The following BTNL8 variants were observed in gnomAD, a reference collection of about 807,000 sequenced individuals.
BTNL8 encodes the protein butyrophilin-like protein 8.
In BTNL8, 22 loss-of-function variants were observed where a neutral mutation model predicts 36.1. That is an observed-to-expected ratio of 0.61 (90% CI 0.44 to 0.87). The LOEUF (loss-of-function observed/expected upper bound fraction) is 0.87, where lower values mean the gene tolerates loss of function less well. BTNL8 is among the 40% of genes least tolerant of loss of function. The pLI is 0.00. For synonymous variants in BTNL8, 203 were observed against 235.6 expected, an observed-to-expected ratio of 0.86 and a Z score of 1.27; for missense variants, 526 against 616.9, an observed-to-expected ratio of 0.85 and a Z score of 1.56.
At chr5:180,915,536 A>G (rs913856350) in intron 3 of BTNL8, among the ~76,000 whole-genome samples, 2 of 152,232 alleles carry the variant, frequency 1.3e-5, no homozygotes, top group African/African-American at 4.8e-5. Flanking sequence ...GTACATCCAT[A>G]AAAAAGATCT....
chr5:180,950,736 A>G lies in BTNL8; in HGVS notation c.*192A>G, dbSNP rs1197452205. Reference sequence around the variant, plus strand: ...ATTACATTTAGTTTGCTCTCACTCCATCTGGCTAAGTGATCTTGAAATACC... The same window carrying G: ...ATTACATTTAGTTTGCTCTCACTCCGTCTGGCTAAGTGATCTTGAAATACC... On this transcript the variant is annotated 3_prime_UTR_variant, in exon 8 of 8. Coordinates refer to ENST00000340184, the MANE Select transcript of BTNL8 (RefSeq NM_001040462.3). 5 of 607,088 alleles carry G rather than the reference A, an allele frequency of 8.2e-6. No individual in the cohort carries two copies. The highest frequency in any genetic ancestry group is 1.9e-5 in the African/African-American group (1 of 53,896). The allele number at this position is 607,088 out of a possible 1,614,324, so 37.6% of individuals were successfully genotyped here. A position where few individuals can be genotyped will look rare whatever the true frequency, so the allele number is the denominator to read the frequency against.
In BTNL8 at chr5:180,908,623, G is replaced by A. The variant is rs758410077; in HGVS notation, c.87G>A (p.Gln29=). ...TGTTTGGGCCAGACAAGCCTGTCCA[G>A]GCCTTGGTGGGGGAGGACGCAGCAT... ...WQVFGPDKPV[Q]ALVGEDAAFS... is the part of the protein sequence containing the mutation. The change falls in exon 2 of 8, where the codon CAG becomes CAA. Residue 29 remains glutamine, a synonymous_variant. Transcript: ENST00000340184. The A allele has an allele frequency of 6.2e-7, 1 of 1,614,208 alleles. No homozygotes were observed.
At chr5:180,931,159 A>C (rs1561940545) in intron 3 of BTNL8, among the ~76,000 whole-genome samples, 1 of 152,198 alleles carries the variant, frequency 6.6e-6, no homozygotes, top group South Asian at 2.1e-4. Flanking sequence ...AATGCCACAC[A>C]TCTACAACCA....
In BTNL8 at chr5:180,932,999, A is replaced by G. The variant is rs1387987352; in HGVS notation, c.674-14513A>G. Among the ~76,000 whole-genome samples, 10 of 99,042 alleles carry G rather than the reference A, an allele frequency of 1.0e-4. No homozygotes were observed. The South Asian group carries it at 2.6e-3, about 26-fold the overall frequency. The allele number at this position is 99,042 out of a possible 152,430, so 65.0% of individuals were successfully genotyped here. On this transcript the variant is annotated intron_variant, in intron 3 of 7. Coordinates refer to ENST00000340184, the MANE Select transcript of BTNL8 (RefSeq NM_001040462.3). ...ATGAAAAAGGATATTCCATGCAAAT[A>G]AAAACCAAAAAAAAAAAAAGCAGTG...
chr5:180,909,142 A>G (rs1757268167), intron 2 of BTNL8, among the ~76,000 whole-genome samples: 1 of 152,120 alleles, frequency 6.6e-6, no homozygotes, highest in Non-Finnish European at 1.5e-5. Context: ...CAAGGTATAG[A>G]ACTACCCCAT....
rs1561924166 is a variant in BTNL8, at chr5:180,901,003, A to AGG, written c.49+1644_49+1645insGG. Among the ~76,000 whole-genome samples, 25 of 151,768 alleles carry AGG rather than the reference A, an allele frequency of 1.6e-4. No individual in the cohort carries two copies. In the East Asian group the frequency reaches 4.9e-3, roughly 29 times the overall value. On this transcript the variant is annotated intron_variant, in intron 1 of 7. Transcript: ENST00000340184. ...GAGAGGCAGAGGCCAGGCTCCAGGG[A>AGG]CGGAGCTGTCAGCAGGCAGGGAAAT...
At position 180,949,831 on chromosome 5, in the gene BTNL8, G is replaced by C; in HGVS notation, c.863-73G>C. ...ACCCAGAGCCAGTCTGCAGTGGGAG[G>C]GTCGACCTCTTGCTCCAGCCCAGAT... On this transcript the variant is annotated intron_variant, in intron 7 of 7. Coordinates refer to ENST00000340184, the MANE Select transcript of BTNL8 (RefSeq NM_001040462.3). 2.1e-6 allele frequency: 3 copies of C among 1,400,402 alleles called. 1 individual carries two copies. The highest frequency in any genetic ancestry group is 4.9e-5 in the East Asian group (2 of 40,526). The allele number at this position is 1,400,402 out of a possible 1,614,324, so 86.7% of individuals were successfully genotyped here.
intron 3 of BTNL8, among the ~76,000 whole-genome samples, chr5:180,936,275 T>G (rs1451474894): frequency 6.6e-6 from 1 of 152,106 alleles, no homozygotes; most frequent in East Asian, 1.9e-4. Context: ...AGAAAAGGTA[T>G]CCACATTGGA....
intron 3 of BTNL8, among the ~76,000 whole-genome samples, chr5:180,925,523 G>C (rs1758054289): frequency 6.6e-6 from 1 of 152,186 alleles, no homozygotes; most frequent in African/African-American, 2.4e-5. Flanking sequence ...TGAAGGAAAA[G>C]ATTGCCAATC....
intron 3 of BTNL8, among the ~76,000 whole-genome samples, chr5:180,937,219 C>T (rs1036394221): frequency 3.9e-5 from 6 of 152,164 alleles, no homozygotes; most frequent in African/African-American, 1.4e-4. Flanking sequence ...GTAACCTTGC[C>T]TCCTCGACTG....
intron 2 of BTNL8, chr5:180,909,638 G>A: frequency 1.1e-6 from 1 of 948,148 alleles, no homozygotes; most frequent in African/African-American, 1.8e-5. Context: ...CCAACACCTT[G>A]AGAGGCTGAG....
In BTNL8 at chr5:180,950,428, A is replaced by T. The variant is rs111728368; in HGVS notation, c.1387A>T (p.Thr463Ser). ...NGTPIVICPV[T>S]QESEKEASWQ... ...AACTCCCATAGTCATCTGCCCAGTC[A>T]CCCAGGAATCAGAGAAAGAGGCCTC... Residue 463 changes from threonine to serine, a missense_variant, in exon 8 of 8, where the codon ACC becomes TCC. Physicochemically the swap from Thr to Ser is moderately conservative, Grantham distance 58. This residue lies in a region of BTNL8 where 176 missense variants were observed against 292.3 expected (regional missense o/e 0.60). Coordinates refer to ENST00000340184, the MANE Select transcript of BTNL8 (RefSeq NM_001040462.3). The T allele has an allele frequency of 1.3e-4, 187 of 1,463,594 alleles. 27 individuals carry two copies. In the African/African-American group the frequency reaches 2.1e-3, roughly 17 times the overall value. 90.7% of individuals were successfully genotyped at this position (1,463,594 alleles called of 1,614,324 possible).
At position 180,899,276 on chromosome 5, in the gene BTNL8, T is replaced by A; in HGVS notation, c.-35T>A. The A allele has an allele frequency of 6.2e-7, 1 of 1,611,920 alleles. No individual in the cohort carries two copies. The highest frequency in any genetic ancestry group is 8.5e-7 in the Non-Finnish European group (1 of 1,177,974). ...ATCCGTCACCTCTCCTGTCATCCGT[T>A]TCCATGCCGTGAGGTCCATTCACAG... On this transcript the variant is annotated 5_prime_UTR_variant, in exon 1 of 8. Coordinates refer to ENST00000340184, the MANE Select transcript of BTNL8 (RefSeq NM_001040462.3).
intron 1 of BTNL8, among the ~76,000 whole-genome samples, chr5:180,900,033 C>T (rs989776165): frequency 6.6e-6 from 1 of 152,168 alleles, no homozygotes. Flanking sequence ...GTTCATCCTG[C>T]CACCTGTCCA....
chr5:180,921,660 T>TACACACACAC (rs201708722), intron 3 of BTNL8, among the ~76,000 whole-genome samples: 22 of 146,316 alleles, frequency 1.5e-4, no homozygotes, highest in African/African-American at 5.3e-4. Context: ...CTGCTCATAC[T>TACACACACAC]ACACACACAC....
At chr5:180,916,901 A>G (rs1016904342) in intron 3 of BTNL8, among the ~76,000 whole-genome samples, 4 of 152,268 alleles carry the variant, frequency 2.6e-5, no homozygotes, top group African/African-American at 9.6e-5. Context: ...TTGGGCCACA[A>G]TTGATCACGA....
At chr5:180,905,258 AGT>A (rs1757027120) in intron 1 of BTNL8, among the ~76,000 whole-genome samples, 1 of 150,394 alleles carries the variant, frequency 6.6e-6, no homozygotes, top group Admixed American at 6.6e-5. Flanking sequence ...GTCTTGGGAG[AGT>A]GTATGTGTCG....
intron 3 of BTNL8, among the ~76,000 whole-genome samples, chr5:180,939,422 G>C (rs1274504573): frequency 6.6e-6 from 1 of 151,954 alleles, no homozygotes; most frequent in African/African-American, 2.4e-5. Context: ...TATTAGATAA[G>C]ATAGATTTTA....
intron 3 of BTNL8, among the ~76,000 whole-genome samples, chr5:180,917,844 CG>C (rs1370594300): frequency 6.6e-6 from 1 of 151,376 alleles, no homozygotes; most frequent in African/African-American, 2.4e-5. Flanking sequence ...CTGGCTAACA[CG>C]GTGAAACCCT....
Sources: gnomAD v4.1 joint callset for allele counts (sites outside exome capture counted in the v4.1 genomes callset) on GRCh38, gnomAD v4.1.1 for gene constraint, gnomAD v4.1.1 regional missense constraint, MANE v1.5 for transcripts, NCBI Gene and HGNC (gene_info 2026-07-23, HGNC 2026-07-21) for gene names.